The following PPP3CA variants were observed in gnomAD, a reference collection of about 807,000 sequenced individuals.
PPP3CA encodes protein phosphatase 3 catalytic subunit alpha, also known as CAM-PRP catalytic subunit.
In PPP3CA, 14 loss-of-function variants were observed where a neutral mutation model predicts 66.5. The observed-to-expected ratio is 0.21, with a 90% CI of 0.14 to 0.33. The LOEUF (loss-of-function observed/expected upper bound fraction) is 0.33, where lower values mean the gene tolerates loss of function less well. Among genes scored for constraint, PPP3CA ranks in the 10% least tolerant of loss-of-function variants. The pLI is 1.00. For synonymous variants in PPP3CA, 232 were observed against 226.2 expected (o/e 1.03, Z -0.23); for missense variants, 317 against 639.5 (o/e 0.50, Z 5.44).
At chr4:101,332,528 A>G (rs1348012957) in intron 1 of PPP3CA, among the ~76,000 whole-genome samples, 1 of 152,194 alleles carries the variant, frequency 6.6e-6, no homozygotes, top group African/African-American at 2.4e-5. Flanking sequence ...ATGACTGTAC[A>G]ACGGATTTGA....
chr4:101,107,393 A>G (rs1490998887), intron 3 of PPP3CA, among the ~76,000 whole-genome samples: 2 of 152,216 alleles, frequency 1.3e-5, no homozygotes, highest in African/African-American at 4.8e-5. Context: ...GCAAGAATGT[A>G]TGTTACATTT....
intron 1 of PPP3CA, among the ~76,000 whole-genome samples, chr4:101,331,013 T>C (rs1237595745): frequency 1.3e-5 from 2 of 152,150 alleles, no homozygotes; most frequent in African/African-American, 4.8e-5. Flanking sequence ...CCACGAAAAG[T>C]ATTAGATTTT....
rs550575351 is a variant in PPP3CA at position 101,302,518 on chromosome 4, G to T, written c.58+44221C>A. Among the ~76,000 whole-genome samples the T allele has an allele frequency of 5.9e-5, 9 of 152,200 alleles. No individual in the cohort carries two copies. In the South Asian group the frequency reaches 1.7e-3, roughly 28 times the overall value. ...CAGAACATGACATGACATCTCTAAG[G>T]CTGCCATTACGGCACTTTTCTGTTT... On this transcript the variant is annotated intron_variant, in intron 1 of 13. Transcript: ENST00000394854.
At chr4:101,038,412 C>T (rs1040471084) in intron 11 of PPP3CA, among the ~76,000 whole-genome samples, 1 of 151,562 alleles carries the variant, frequency 6.6e-6, no homozygotes, top group African/African-American at 2.4e-5. Flanking sequence ...CTCTGTCACC[C>T]AGGCTGGAGT....
chr4:101,209,462 G>A (rs1042866574), intron 1 of PPP3CA, among the ~76,000 whole-genome samples: 2 of 152,046 alleles, frequency 1.3e-5, no homozygotes, highest in African/African-American at 2.4e-5. Context: ...CTTACCACTA[G>A]ACTGTAATTA....
intron 1 of PPP3CA, among the ~76,000 whole-genome samples, chr4:101,205,478 C>T (rs1446059026): frequency 2.0e-5 from 3 of 152,084 alleles, no homozygotes; most frequent in African/African-American, 7.2e-5. Context: ...TCTTTAATCA[C>T]TATAAATTTT....
At chr4:101,205,283 G>A (rs1023986358) in intron 1 of PPP3CA, among the ~76,000 whole-genome samples, 12 of 151,918 alleles carry the variant, frequency 7.9e-5, no homozygotes, top group Non-Finnish European at 1.5e-4. Flanking sequence ...AGTACCCAGG[G>A]ATTCTGAAAC....
intron 2 of PPP3CA, among the ~76,000 whole-genome samples, chr4:101,188,800 T>C (rs921514170): frequency 6.6e-6 from 1 of 152,160 alleles, no homozygotes; most frequent in Non-Finnish European, 1.5e-5. Flanking sequence ...AATAGCTATC[T>C]GACCTCCAGG....
chr4:101,156,670 C>CA lies in PPP3CA; in HGVS notation c.259+39245dup, dbSNP rs548724110. Among the ~76,000 whole-genome samples, 162 of 115,960 alleles carry CA rather than the reference C, an allele frequency of 1.4e-3. 2 individuals carry two copies. Among genetic ancestry groups the CA allele is most frequent in the African/African-American group, 3.9e-3 (94 of 24,400 alleles). 76.1% of individuals were successfully genotyped at this position (115,960 alleles called of 152,430 possible). ...GGGCAACAAGAGCGAAACTGTGTCTCAAAAAAAAAAGAAAGAAAGAAAGAA... is the reference window on the plus strand; with the variant it reads ...GGGCAACAAGAGCGAAACTGTGTCTCAAAAAAAAAAAGAAAGAAAGAAAGAA... On this transcript the variant is annotated intron_variant, in intron 2 of 13. Transcript: ENST00000394854.
intron 1 of PPP3CA, among the ~76,000 whole-genome samples, chr4:101,321,385 A>G (rs1729036772): frequency 1.3e-5 from 2 of 152,218 alleles, no homozygotes; most frequent in Admixed American, 1.3e-4. Context: ...CAAAGAAAAG[A>G]GCATTTCAGT....
chr4:101,191,474 T>C (rs930368663), intron 2 of PPP3CA, among the ~76,000 whole-genome samples: 6 of 152,142 alleles, frequency 3.9e-5, no homozygotes, highest in Admixed American at 2.0e-4. Context: ...GGGACTGAAA[T>C]GTGCTGACTT....
intron 1 of PPP3CA, among the ~76,000 whole-genome samples, chr4:101,214,907 C>T (rs2110208302): frequency 6.6e-6 from 1 of 152,198 alleles, no homozygotes. Flanking sequence ...TAGACATTTA[C>T]CTCATTTTCA....
intron 13 of PPP3CA, among the ~76,000 whole-genome samples, chr4:101,028,657 A>G (rs1331528213): frequency 6.6e-6 from 1 of 152,226 alleles, no homozygotes; most frequent in Non-Finnish European, 1.5e-5. Context: ...TCTTATATAC[A>G]GCTGTCTCAT....
intron 2 of PPP3CA, among the ~76,000 whole-genome samples, chr4:101,162,883 C>T (rs574388400): frequency 8.5e-5 from 13 of 152,268 alleles, no homozygotes; most frequent in Middle Eastern, 3.4e-3. Flanking sequence ...TATTACCACA[C>T]TCTTCTATAC....
At chr4:101,309,621 G>A (rs1182159292) in intron 1 of PPP3CA, among the ~76,000 whole-genome samples, 1 of 152,104 alleles carries the variant, frequency 6.6e-6, no homozygotes, top group Non-Finnish European at 1.5e-5. Flanking sequence ...TGAAAATAAA[G>A]CAGCTAAACA....
intron 2 of PPP3CA, among the ~76,000 whole-genome samples, chr4:101,114,425 G>A (rs1437642083): frequency 6.6e-6 from 1 of 152,012 alleles, no homozygotes; most frequent in African/African-American, 2.4e-5. Context: ...GTTTTGTACT[G>A]GAAAAGTAAG....
chr4:101,029,328 G>GACA (rs1294996538), intron 12 of PPP3CA, 133 bp from the exon 13 acceptor site: 1 of 181,630 alleles, frequency 5.5e-6, no homozygotes, highest in Non-Finnish European at 9.9e-6. Flanking sequence ...TTCTGGCACA[G>GACA]ACAACAAAAC....
intron 13 of PPP3CA, 86 bp downstream of exon 13, chr4:101,029,080 T>C (rs766655188): frequency 1.1e-5 from 14 of 1,318,986 alleles, no homozygotes; most frequent in Non-Finnish European, 1.5e-5. Context: ...CCACACACTC[T>C]GTACAAGCTA....
chr4:101,277,673 A>T (rs1019592310), intron 1 of PPP3CA, among the ~76,000 whole-genome samples: 3 of 152,310 alleles, frequency 2.0e-5, no homozygotes, highest in Middle Eastern at 3.4e-3. Context: ...CCAAAATTTA[A>T]ATCAATCTAT....
Sources: gnomAD v4.1 joint callset for allele counts (sites outside exome capture counted in the v4.1 genomes callset) on GRCh38, gnomAD v4.1.1 for gene constraint, MANE v1.5 for transcripts, NCBI Gene and HGNC (gene_info 2026-07-23, HGNC 2026-07-21) for gene names.